AGO3: variants seen among roughly 807,000 people sequenced by gnomAD.
AGO3 encodes the protein argonaute RISC catalytic component 3, also known as protein argonaute-3.
In AGO3, 16 loss-of-function variants were observed where a neutral mutation model predicts 105.5. The observed-to-expected ratio is 0.15, with a 90% confidence interval of 0.10 to 0.23. The LOEUF (loss-of-function observed/expected upper bound fraction) is 0.23, where lower values mean the gene tolerates loss of function less well. Among genes scored for constraint, AGO3 ranks in the 10% least tolerant of loss-of-function variants. AGO3 has a pLI of 1.00. For synonymous variants in AGO3, 340 were observed against 367.3 expected (o/e 0.93, Z 0.85); for missense variants, 534 against 1,088.0 (o/e 0.49, Z 7.16).
chr1:35,943,693 T>G (rs1424508727), intron 1 of AGO3, among the ~76,000 whole-genome samples: 2 of 148,512 alleles, frequency 1.3e-5, no homozygotes, highest in Non-Finnish European at 3.0e-5. Flanking sequence ...AACCTCCACC[T>G]CCGGGGCTCA....
At chr1:35,995,209 A>ATATATATATATATAT (rs1553164849) in intron 5 of AGO3, among the ~76,000 whole-genome samples, 4 of 114,788 alleles carry the variant, frequency 3.5e-5, no homozygotes, top group African/African-American at 7.5e-5. Context: ...TAAAAAAAAA[A>ATATATATATATATAT]ATATATATAT....
At chr1:36,015,411 A>G (rs1264272758) in intron 11 of AGO3, among the ~76,000 whole-genome samples, 2 of 152,150 alleles carry the variant, frequency 1.3e-5, no homozygotes, top group Non-Finnish European at 2.9e-5. Flanking sequence ...GCTTCATTAC[A>G]TAGGCCTCAT....
At chr1:36,032,658 G>A (rs191254141) in intron 12 of AGO3, among the ~76,000 whole-genome samples, 60 of 152,150 alleles carry the variant, frequency 3.9e-4, no homozygotes, top group African/African-American at 1.4e-3. Context: ...GGGATTACAG[G>A]TGTGAGACAT....
Position 36,072,435 on chromosome 1 carries a change from T to G in AGO3, c.*16690T>G, listed in dbSNP as rs1355117616. ...AAAATATTAATGGTTTTAGTGTTGC[T>G]TAGCTTCAGTTTGAAGTATAACTTT... On this transcript the variant is annotated 3_prime_UTR_variant, in exon 19 of 19. Coordinates refer to ENST00000373191, the MANE Select transcript of AGO3 (RefSeq NM_024852.4). The G allele has an allele frequency of 6.6e-6, 1 of 152,236 alleles. No homozygotes were observed. Among genetic ancestry groups the G allele is most frequent in the Non-Finnish European group, 1.5e-5 (1 of 68,044 alleles). 9.4% of individuals were successfully genotyped at this position (152,236 alleles called of 1,614,324 possible).
At chr1:36,009,120 C>G in intron 8 of AGO3, 76 bp downstream of exon 8, 1 of 1,362,954 alleles carries the variant, frequency 7.3e-7, no homozygotes, top group African/African-American at 1.8e-5. Context: ...GATAACTTAC[C>G]TCATACAGAA....
intron 5 of AGO3, among the ~76,000 whole-genome samples, chr1:35,974,387 A>G (rs1012501714): frequency 6.6e-6 from 1 of 152,018 alleles, no homozygotes; most frequent in African/African-American, 2.4e-5. Context: ...TTGACATTTT[A>G]CAAAAACTGG....
At chr1:36,038,995 T>A (rs534133032) in intron 14 of AGO3, among the ~76,000 whole-genome samples, 7 of 152,302 alleles carry the variant, frequency 4.6e-5, no homozygotes, top group African/African-American at 1.4e-4. Context: ...TTGGTCCTTG[T>A]TTTTTCTTAT....
chr1:36,034,600 T>C (rs1375145276), intron 13 of AGO3, among the ~76,000 whole-genome samples: 2 of 152,100 alleles, frequency 1.3e-5, no homozygotes, highest in African/African-American at 4.8e-5. Flanking sequence ...TTACTGAAAA[T>C]GAAAGTACAC....
chr1:36,026,972 A>G (rs1383430261), intron 11 of AGO3, 142 bp from the exon 12 acceptor site: 6 of 906,130 alleles, frequency 6.6e-6, no homozygotes, highest in South Asian at 1.7e-5. Context: ...TACGCTTAAC[A>G]TCAGTAGTCT....
Position 36,009,617 on chromosome 1 carries a change from G to A in AGO3, c.1149+23G>A, listed in dbSNP as rs577532166. The A allele has an allele frequency of 2.6e-5, 41 of 1,601,034 alleles. No individual in the cohort carries two copies. In the Admixed American group the frequency reaches 2.9e-4, roughly 11 times the overall value. ...TTGGTTAGTACTTAACCTTAGAAAT[G>A]AGAATTTAAAACATATTAGGGTGAA... On this transcript the variant is annotated intron_variant, in intron 9 of 18. Transcript: ENST00000373191.
chr1:35,995,199 T>C (rs1246677818), intron 5 of AGO3, among the ~76,000 whole-genome samples: 6 of 110,636 alleles, frequency 5.4e-5, no homozygotes, highest in South Asian at 5.9e-4. Flanking sequence ...AGACACTGTC[T>C]AAAAAAAAAA....
rs1643766163 is a variant in AGO3 at position 36,057,903 on chromosome 1, G to A, written c.*2158G>A. The A allele has an allele frequency of 6.6e-6, 1 of 152,040 alleles. No homozygotes were observed. Among genetic ancestry groups the A allele is most frequent in the South Asian group, 2.1e-4 (1 of 4,828 alleles). 9.4% of individuals were successfully genotyped at this position (152,040 alleles called of 1,614,324 possible). The stretch of plus-strand genomic sequence containing the variant: ...GAGGCAGGATTGCTTGAACCTAGGA[G>A]GCGGAAGTTACAGTGAGCCAAGACT... On this transcript the variant is annotated 3_prime_UTR_variant, in exon 19 of 19. Coordinates refer to ENST00000373191, the MANE Select transcript of AGO3 (RefSeq NM_024852.4).
chr1:36,010,666 C>T (rs1344837559), intron 9 of AGO3, among the ~76,000 whole-genome samples: 3 of 149,976 alleles, frequency 2.0e-5, no homozygotes, highest in Non-Finnish European at 3.0e-5. Context: ...CCAGCACTTT[C>T]GGAGGCCGAG....
chr1:35,984,343 A>T (rs1647121117), intron 5 of AGO3: 1 of 152,240 alleles, frequency 6.6e-6, no homozygotes, highest in South Asian at 2.1e-4. Context: ...CTCTAAAAAA[A>T]GAAACAAAAA....
chr1:35,979,828 A>G (rs1273522265), intron 5 of AGO3, among the ~76,000 whole-genome samples: 2 of 151,626 alleles, frequency 1.3e-5, no homozygotes, highest in African/African-American at 2.4e-5. Context: ...TTTTTTTTTC[A>G]GGTATATCTT....
intron 13 of AGO3, among the ~76,000 whole-genome samples, chr1:36,035,896 G>A (rs576367336): frequency 1.3e-5 from 2 of 152,226 alleles, no homozygotes; most frequent in South Asian, 4.2e-4. Context: ...AGCCGGGTGT[G>A]GTGGCGGGCG....
intron 5 of AGO3, among the ~76,000 whole-genome samples, chr1:36,002,324 ATTTT>A (rs375411955): frequency 1.7e-5 from 2 of 119,228 alleles, no homozygotes; most frequent in Non-Finnish European, 1.7e-5. Flanking sequence ...AGCCAAGATA[ATTTT>A]TTTTTTTTTT....
chr1:36,003,709 A>AAAAAAAATAT (rs1295618675), intron 5 of AGO3, among the ~76,000 whole-genome samples: 18 of 99,432 alleles, frequency 1.8e-4, no homozygotes, highest in South Asian at 3.8e-4. Flanking sequence ...AAAAAAAAAA[A>AAAAAAAATAT]ATATATATAT....
intron 3 of AGO3, among the ~76,000 whole-genome samples, chr1:35,968,181 A>C (rs1646807295): frequency 6.6e-6 from 1 of 152,186 alleles, no homozygotes; most frequent in South Asian, 2.1e-4. Flanking sequence ...AGTTGATTAA[A>C]TTGGTGTCTG....
Sources: allele counts gnomAD v4.1 joint callset (sites outside exome capture counted in the v4.1 genomes callset), GRCh38; gene constraint gnomAD v4.1.1; transcripts MANE v1.5; gene names NCBI Gene and HGNC (gene_info 2026-07-23, HGNC 2026-07-21).